Variants in NTPCR observed in about 807,000 individuals in gnomAD.
NTPCR encodes nucleoside-triphosphatase, cancer-related.
Under a neutral mutation model 19.5 loss-of-function variants are expected in NTPCR, and 15 were observed. The observed-to-expected ratio is 0.77, with a 90% CI of 0.51 to 1.18. NTPCR has a LOEUF of 1.18. NTPCR is among the 50% of genes most tolerant of loss of function. NTPCR has a pLI of 0.00. For synonymous variants in NTPCR, 90 were observed against 95.8 expected, an observed-to-expected ratio of 0.94 and a Z score of 0.36; for missense variants, 206 against 240.4, an observed-to-expected ratio of 0.86 and a Z score of 0.95.
chr1:232,976,639 A>T (rs1305395648), intron 4 of NTPCR: 13 of 1,402,088 alleles, frequency 9.3e-6, no homozygotes, highest in Non-Finnish European at 1.2e-5. Context: ...TCCTCATTTC[A>T]AGTGGAGCCA....
intron 3 of NTPCR, chr1:232,963,780 C>A (rs1668731369): frequency 6.6e-6 from 1 of 151,834 alleles, no homozygotes; most frequent in Non-Finnish European, 1.5e-5. Context: ...TGTATACTCT[C>A]ATTATCCAGA....
chr1:232,961,274 C>T (rs1259276467), intron 3 of NTPCR, among the ~76,000 whole-genome samples: 1 of 152,138 alleles, frequency 6.6e-6, no homozygotes, highest in African/African-American at 2.4e-5. Flanking sequence ...TGATTGTTTC[C>T]CTGGGGAGGG....
At chr1:232,971,902 G>T (rs143030560) in intron 4 of NTPCR, among the ~76,000 whole-genome samples, 33 of 152,284 alleles carry the variant, frequency 2.2e-4, no homozygotes, top group Non-Finnish European at 4.4e-4. Flanking sequence ...AGTTTCCATG[G>T]AAATCAAGGC....
In NTPCR at chr1:232,979,853, GGAGAACCAA is replaced by G. The variant is rs1267466676; in HGVS notation, c.*1627_*1635del. On this transcript the variant is annotated 3_prime_UTR_variant, in exon 5 of 5. Coordinates refer to ENST00000366628, the MANE Select transcript of NTPCR (RefSeq NM_032324.3). The surrounding 1 kb of genome is among the most constrained non-coding windows in gnomAD (Gnocchi z 5.3). Reference sequence around the variant, plus strand: ...AAATCTGAAAGTACCACAGCCCTCAGGAGAACCAAGAGATAGGGAGGCAGGCTGGGGAAA... The same window carrying G: ...AAATCTGAAAGTACCACAGCCCTCAGGAGATAGGGAGGCAGGCTGGGGAAA... The G allele has an allele frequency of 6.6e-6, 1 of 152,368 alleles. No homozygotes were observed. The highest frequency in any genetic ancestry group is 1.5e-5 in the Non-Finnish European group (1 of 68,162). The allele number at this position is 152,368 out of a possible 1,614,324, so 9.4% of individuals were successfully genotyped here. A position where few individuals can be genotyped will look rare whatever the true frequency, so the allele number is the denominator to read the frequency against.
chr1:232,983,845 T>G lies in NTPCR; in HGVS notation c.*5614T>G, dbSNP rs1669351715. 1 of 152,956 alleles carries G rather than the reference T, an allele frequency of 6.5e-6. No individual in the cohort carries two copies. The highest frequency in any genetic ancestry group is 1.5e-5 in the Non-Finnish European group (1 of 68,532). The allele number at this position is 152,956 out of a possible 1,614,324, so 9.5% of individuals were successfully genotyped here. A position where few individuals can be genotyped will look rare whatever the true frequency, so the allele number is the denominator to read the frequency against. ...AGACGTGCTGCTGTTCATTTCTTTT[T>G]CATGGTAACAGTAATGTATAAAGTG... On this transcript the variant is annotated 3_prime_UTR_variant, in exon 5 of 5. Transcript: ENST00000366628.
chr1:232,969,537 A>C (rs2102753436), intron 3 of NTPCR: 1 of 206,842 alleles, frequency 4.8e-6, no homozygotes, highest in African/African-American at 2.2e-5. Flanking sequence ...AAAAAGTGAA[A>C]ATTAAAAGGA....
chr1:232,976,115 T>C (rs868463657), intron 4 of NTPCR, among the ~76,000 whole-genome samples: 17 of 152,224 alleles, frequency 1.1e-4, no homozygotes, highest in Middle Eastern at 6.3e-3. Flanking sequence ...ATTGGAGTGT[T>C]TGCATTCTGC....
At chr1:232,969,198 G>A (rs1342617634) in intron 3 of NTPCR, 2 of 152,272 alleles carry the variant, frequency 1.3e-5, no homozygotes, top group Non-Finnish European at 2.9e-5. Flanking sequence ...TTGGCATGAG[G>A]CCTCAGTGCC....
intron 3 of NTPCR, chr1:232,967,528 T>G (rs1668854442): frequency 6.6e-6 from 1 of 152,216 alleles, no homozygotes; most frequent in African/African-American, 2.4e-5. Flanking sequence ...GTGCTGAAAC[T>G]TAAATAAATG....
intron 1 of NTPCR, chr1:232,951,177 A>C (rs1477483512): frequency 6.4e-6 from 1 of 157,434 alleles, no homozygotes; most frequent in African/African-American, 2.4e-5. Context: ...CGTGCAAAAA[A>C]AAAATGGTAA....
chr1:232,973,688 A>G (rs995341077), intron 4 of NTPCR, among the ~76,000 whole-genome samples: 1 of 152,244 alleles, frequency 6.6e-6, no homozygotes, highest in Non-Finnish European at 1.5e-5. Context: ...AACAAATGAA[A>G]AATAGTCTCA....
At chr1:232,969,065 C>G (rs1318633252) in intron 3 of NTPCR, 2 of 152,246 alleles carry the variant, frequency 1.3e-5, no homozygotes, top group Non-Finnish European at 2.9e-5. Flanking sequence ...TACAGCTTAG[C>G]TGGGGTTCTG....
At chr1:232,969,410 T>C (rs1165154904) in intron 3 of NTPCR, 2 of 155,366 alleles carry the variant, frequency 1.3e-5, no homozygotes, top group Non-Finnish European at 2.9e-5. Context: ...TTGTTGATAA[T>C]AATGGCCTCT....
chr1:232,951,051 G>A, intron 1 of NTPCR: 1 of 367,802 alleles, frequency 2.7e-6, no homozygotes, highest in Non-Finnish European at 4.9e-6. Flanking sequence ...TTGACGTTGT[G>A]GTCTGCACAA....
rs1375728162 is a variant in NTPCR at position 232,982,816 on chromosome 1, G to C, written c.*4585G>C. ...CCTCCGTGGGGAGGCCACACTCACAGCTCCAGGCCTGCCATTTAGCCCTTG... is the reference window on the plus strand; with the variant it reads ...CCTCCGTGGGGAGGCCACACTCACACCTCCAGGCCTGCCATTTAGCCCTTG... On this transcript the variant is annotated 3_prime_UTR_variant, in exon 5 of 5. Coordinates refer to ENST00000366628, the MANE Select transcript of NTPCR (RefSeq NM_032324.3). 1 of 152,224 alleles carries C rather than the reference G, an allele frequency of 6.6e-6. No homozygotes were observed. Among genetic ancestry groups the C allele is most frequent in the Non-Finnish European group, 1.5e-5 (1 of 68,050 alleles). 9.4% of individuals were successfully genotyped at this position (152,224 alleles called of 1,614,324 possible).
At chr1:232,966,905 A>G (rs1239557006) in intron 3 of NTPCR, 1 of 152,366 alleles carries the variant, frequency 6.6e-6, no homozygotes, top group Non-Finnish European at 1.5e-5. Context: ...GGTGCTCCCC[A>G]GTTGGTGTGT....
chr1:232,976,295 C>T, intron 4 of NTPCR: 1 of 1,436,768 alleles, frequency 7.0e-7, no homozygotes, highest in Non-Finnish European at 9.1e-7. Context: ...AAAATCTTCT[C>T]TTCTAGCTAT....
chr1:232,982,821 A>T lies in NTPCR; in HGVS notation c.*4590A>T, dbSNP rs1669318379. ...GTGGGGAGGCCACACTCACAGCTCC[A>T]GGCCTGCCATTTAGCCCTTGGGGCT... is the stretch of plus-strand genomic sequence containing the variant. On this transcript the variant is annotated 3_prime_UTR_variant, in exon 5 of 5. Transcript: ENST00000366628. The T allele has an allele frequency of 6.6e-6, 1 of 152,218 alleles. No homozygotes were observed. Among genetic ancestry groups the T allele is most frequent in the South Asian group, 2.1e-4 (1 of 4,828 alleles). The allele number at this position is 152,218 out of a possible 1,614,324, so 9.4% of individuals were successfully genotyped here.
At chr1:232,969,698 C>G in intron 3 of NTPCR, 1 of 500,508 alleles carries the variant, frequency 2.0e-6, no homozygotes, top group Non-Finnish European at 3.6e-6. Flanking sequence ...TTCCAAGAGT[C>G]CTAATGATTC....
Sources: allele counts gnomAD v4.1 joint callset (sites outside exome capture counted in the v4.1 genomes callset), GRCh38; gene constraint gnomAD v4.1.1; non-coding constraint Gnocchi (gnomAD v3.1); transcripts MANE v1.5; gene names NCBI Gene and HGNC (gene_info 2026-07-23, HGNC 2026-07-21).